The following SERF2 variants were observed in gnomAD, a reference collection of about 807,000 sequenced individuals.
SERF2 encodes gastric cancer-related protein VRG107.
SERF2 carries 4 observed loss-of-function variants against 10.7 expected under a neutral mutation model. The ratio of observed to expected loss-of-function variants is 0.37; its 90% CI spans 0.18 to 0.86. The LOEUF is 0.86. SERF2 is among the 40% of genes least tolerant of loss of function. The pLI is 0.43. For missense variants in SERF2, 47 were observed against 79.1 expected (o/e 0.59, Z 1.54); for synonymous variants, 26 against 26.0 (o/e 1.00, Z 0.01).
chr15:43,795,781 A>T lies in SERF2; in HGVS notation c.*2008A>T. 1 of 1,594,100 alleles carries T rather than the reference A, an allele frequency of 6.3e-7. No individual in the cohort carries two copies. The highest frequency in any genetic ancestry group is 8.6e-7 in the Non-Finnish European group (1 of 1,166,778). On this transcript the variant is annotated 3_prime_UTR_variant, in exon 3 of 3. Coordinates refer to ENST00000249786, the MANE Select transcript of SERF2 (RefSeq NM_001018108.4). ...TTTTGGAATGGTCTTAAAAGATGTGAGGGTGTTAATCTAGGAAACTTCCCC... is the reference window on the plus strand; with the variant it reads ...TTTTGGAATGGTCTTAAAAGATGTGTGGGTGTTAATCTAGGAAACTTCCCC...
chr15:43,792,525 T>G, intron 1 of SERF2, 142 bp downstream of exon 1: 1 of 1,530,930 alleles, frequency 6.5e-7, no homozygotes. Flanking sequence ...TCACACTCGG[T>G]GCCCGGAAAT....
At chr15:43,788,731 C>T (rs1365040273), upstream of SERF2, among the ~76,000 whole-genome samples, 1 of 152,210 alleles carries the variant, frequency 6.6e-6, no homozygotes, top group Non-Finnish European at 1.5e-5. Context: ...GTTAGACTCT[C>T]AGCTCCACCC....
chr15:43,795,544 GGAGAGAGGA>G lies in SERF2; in HGVS notation c.*1772_*1780del, dbSNP rs766237941. ...CCTCGCAGCCCCACCCCTTTGCCCT[GGAGAGAGGA>G]AATGGCTGCTGGGAGCAGAGCTGCT... On this transcript the variant is annotated 3_prime_UTR_variant, in exon 3 of 3. Transcript: ENST00000249786. 6.2e-7 allele frequency: 1 copy of G among 1,614,106 alleles called. No homozygotes were observed. The highest frequency in any genetic ancestry group is 2.2e-5 in the East Asian group (1 of 44,888).
upstream of SERF2, among the ~76,000 whole-genome samples, chr15:43,790,317 A>C (rs75448671): frequency 4.3e-4 from 65 of 152,072 alleles, no homozygotes; most frequent in East Asian, 7.8e-4. Context: ...CTCAAAAAAA[A>C]CCAAAAATTC....
chr15:43,792,712 A>G lies in SERF2; in HGVS notation c.8-263A>G, dbSNP rs970791425. The G allele has an allele frequency of 7.8e-6, 8 of 1,027,940 alleles. No individual in the cohort carries two copies. In the African/African-American group the frequency reaches 8.1e-5, roughly 10 times the overall value. 63.7% of individuals were successfully genotyped at this position (1,027,940 alleles called of 1,614,324 possible). A position where few individuals can be genotyped will look rare whatever the true frequency, so the allele number is the denominator to read the frequency against. ...CCAAACCGTCCACACACACCTTGCCAGCTGTTTGGGCCCCACGCCGCCCCA... is the reference window on the plus strand; with the variant it reads ...CCAAACCGTCCACACACACCTTGCCGGCTGTTTGGGCCCCACGCCGCCCCA... On this transcript the variant is annotated intron_variant, in intron 1 of 2. Coordinates refer to ENST00000249786, the MANE Select transcript of SERF2 (RefSeq NM_001018108.4).
chr15:43,784,599 G>A (rs1053502268), intron 1 of SERF2, among the ~76,000 whole-genome samples: 4 of 152,080 alleles, frequency 2.6e-5, no homozygotes, highest in African/African-American at 7.2e-5. Flanking sequence ...CTCCCGAGTA[G>A]CTGGGACTAC....
In SERF2 at chr15:43,794,954, A is replaced by G. The variant is rs372775523; in HGVS notation, c.*1181A>G. 8 of 1,487,996 alleles carry G rather than the reference A, an allele frequency of 5.4e-6. No homozygotes were observed. The highest frequency in any genetic ancestry group is 3.6e-5 in the South Asian group (3 of 82,784). 92.2% of individuals were successfully genotyped at this position (1,487,996 alleles called of 1,614,324 possible). A position where few individuals can be genotyped will look rare whatever the true frequency, so the allele number is the denominator to read the frequency against. ...GGGCTGGACAGCTCCCCTTGAGCCAACTCTAGGAGTACAATGTCAGGGGAA... is the reference window on the plus strand; with the variant it reads ...GGGCTGGACAGCTCCCCTTGAGCCAGCTCTAGGAGTACAATGTCAGGGGAA... On this transcript the variant is annotated 3_prime_UTR_variant, in exon 3 of 3. Transcript: ENST00000249786.
At chr15:43,786,810 AG>A (rs1381170920) in intron 2 of SERF2, among the ~76,000 whole-genome samples, 1 of 152,208 alleles carries the variant, frequency 6.6e-6, no homozygotes, top group African/African-American at 2.4e-5. Context: ...TAGAGCTGCC[AG>A]GAGCAGTATG....
At chr15:43,792,310 C>A, upstream of SERF2, 1 of 1,350,626 alleles carries the variant, frequency 7.4e-7, no homozygotes, top group Non-Finnish European at 1.1e-6. Flanking sequence ...CCAGAAGGGG[C>A]GGGACCTGCA....
upstream of SERF2, chr15:43,792,313 G>GGTT (rs1466214857): frequency 7.2e-7 from 1 of 1,380,728 alleles, no homozygotes; most frequent in Non-Finnish European, 1.0e-6. Flanking sequence ...GAAGGGGCGG[G>GGTT]ACCTGCAACG....
upstream of SERF2, among the ~76,000 whole-genome samples, chr15:43,789,736 G>T (rs193071120): frequency 1.1e-4 from 17 of 152,196 alleles, no homozygotes; most frequent in Admixed American, 2.6e-4. Flanking sequence ...GGCTGGGCAT[G>T]GTGGTTCAAG....
exon 1 of SERF2, chr15:43,777,497 A>G (rs2141664079): frequency 5.3e-6 from 1 of 187,730 alleles, no homozygotes; most frequent in Non-Finnish European, 1.1e-5. Context: ...GATTTCTAAC[A>G]GAGAGGTAAT....
chr15:43,784,198 A>G (rs1378950140), intron 1 of SERF2, among the ~76,000 whole-genome samples: 1 of 152,082 alleles, frequency 6.6e-6, no homozygotes, highest in African/African-American at 2.4e-5. Context: ...TTAGGATTTC[A>G]GGCATAAACA....
intron 2 of SERF2, among the ~76,000 whole-genome samples, chr15:43,787,151 A>C (rs1326903702): frequency 2.0e-5 from 3 of 151,486 alleles, no homozygotes; most frequent in Non-Finnish European, 4.4e-5. Flanking sequence ...AGGCGCCTGC[A>C]ACCACGCCTG....
At chr15:43,793,470 T>C (rs1402191956) in intron 2 of SERF2, 5 of 1,165,968 alleles carry the variant, frequency 4.3e-6, no homozygotes, top group South Asian at 1.6e-5. Flanking sequence ...CAATACAGAA[T>C]AGAGACCCTT....
intron 1 of SERF2, chr15:43,792,705 C>T: frequency 1.8e-6 from 2 of 1,083,966 alleles, no homozygotes; most frequent in Non-Finnish European, 2.5e-6. Context: ...TCCACACACA[C>T]CTTGCCAGCT....
At chr15:43,785,393 T>A (rs903818532) in intron 1 of SERF2, 1 of 151,846 alleles carries the variant, frequency 6.6e-6, no homozygotes, top group Non-Finnish European at 1.5e-5. Context: ...TTTCTTTTAT[T>A]TTTTCCTTTT....
chr15:43,795,729 G>GA lies in SERF2; in HGVS notation c.*1957dup. The GA allele has an allele frequency of 6.2e-7, 1 of 1,613,932 alleles. No individual in the cohort carries two copies. The highest frequency in any genetic ancestry group is 8.5e-7 in the Non-Finnish European group (1 of 1,179,922). On this transcript the variant is annotated 3_prime_UTR_variant, in exon 3 of 3. Coordinates refer to ENST00000249786, the MANE Select transcript of SERF2 (RefSeq NM_001018108.4). ...TGTTTCAGGGCAGCAGAAACACAGT[G>GA]AGGGCTTCTGCAAAACAGAACGCAG...
upstream of SERF2, chr15:43,777,099 C>G (rs199521965): frequency 8.4e-4 from 725 of 867,938 alleles, no homozygotes; most frequent in Middle Eastern, 2.9e-3. Context: ...TCGCTCTCCC[C>G]GGCCAACCGC....
Sources: gnomAD v4.1 joint callset for allele counts (sites outside exome capture counted in the v4.1 genomes callset) on GRCh38, gnomAD v4.1.1 for gene constraint, MANE v1.5 for transcripts, NCBI Gene and HGNC (gene_info 2026-07-23, HGNC 2026-07-21) for gene names.